CCBE1: variants seen among roughly 807,000 people sequenced by gnomAD.
CCBE1 encodes the protein collagen and calcium-binding EGF domain-containing protein 1.
Under a neutral mutation model 50.0 loss-of-function variants are expected in CCBE1, and 37 were observed. The ratio of observed to expected loss-of-function variants is 0.74; its 90% confidence interval spans 0.57 to 0.97. CCBE1 has a LOEUF of 0.97. Among genes scored for constraint, CCBE1 ranks in the 50% least tolerant of loss-of-function variants. CCBE1 has a pLI of 0.00. For missense variants in CCBE1, 538 were observed against 523.8 expected (o/e 1.03, Z -0.26); for synonymous variants, 234 against 203.7 (o/e 1.15, Z -1.27).
chr18:59,470,815 G>T (rs890339103), intron 3 of CCBE1, among the ~76,000 whole-genome samples: 2 of 152,144 alleles, frequency 1.3e-5, no homozygotes, highest in Non-Finnish European at 2.9e-5. Flanking sequence ...GTCTGGCTTT[G>T]CTCCACCACA....
intron 2 of CCBE1, among the ~76,000 whole-genome samples, chr18:59,662,712 G>A (rs1041320342): frequency 6.6e-6 from 1 of 152,244 alleles, no homozygotes; most frequent in African/African-American, 2.4e-5. Context: ...AGTTAGCCAG[G>A]TGGAGAGGAG....
At chr18:59,663,070 C>T (rs1448640058) in intron 2 of CCBE1, among the ~76,000 whole-genome samples, 1 of 151,976 alleles carries the variant, frequency 6.6e-6, no homozygotes, top group Non-Finnish European at 1.5e-5. Flanking sequence ...CAAAGATTTA[C>T]TGAATATTTC....
intron 3 of CCBE1, 151 bp downstream of exon 3, chr18:59,480,035 C>T (rs1912492444): frequency 1.7e-6 from 1 of 605,090 alleles, no homozygotes; most frequent in Non-Finnish European, 2.9e-6. Flanking sequence ...AAATTGGCGT[C>T]AGAAAAATTT....
chr18:59,439,737 C>A lies in CCBE1; in HGVS notation c.855G>T (p.Met285Ile). 1 of 1,614,236 alleles carries A rather than the reference C, an allele frequency of 6.2e-7. No homozygotes were observed. Among genetic ancestry groups the A allele is most frequent in the Non-Finnish European group, 8.5e-7 (1 of 1,180,026 alleles). The change falls in exon 8 of 11, where the codon ATG (methionine) becomes ATT (isoleucine). Residue 285 changes from methionine (M) to isoleucine (I), a missense_variant. Met to Ile is a conservative substitution (Grantham distance 10). Transcript: ENST00000439986. Reference sequence around the variant, plus strand: ...GATCAGGAGATGGTCCCATGGGTCCCATTGAGCCCCGTGGGCCGGGCTGCC... The same window carrying A: ...GATCAGGAGATGGTCCCATGGGTCCAATTGAGCCCCGTGGGCCGGGCTGCC... ...PPGQPGPRGS[M>I]GPMGPSPDLS...
rs1346411682 is a variant in CCBE1 at position 59,658,389 on chromosome 18, A to G, written c.212+38240T>C. Among the ~76,000 whole-genome samples the G allele has an allele frequency of 2.3e-4, 10 of 43,422 alleles. 2 individuals are homozygous for G. The highest frequency in any genetic ancestry group is 8.9e-4 in the African/African-American group (10 of 11,298). 28.5% of individuals were successfully genotyped at this position (43,422 alleles called of 152,430 possible). ...TATATATATATATATATATATATATATATATATATATATATATATATATAT... is the reference window on the plus strand; with the variant it reads ...TATATATATATATATATATATATATGTATATATATATATATATATATATAT... On this transcript the variant is annotated intron_variant, in intron 2 of 10. Transcript: ENST00000439986.
chr18:59,477,836 T>C (rs1463522401), intron 3 of CCBE1, among the ~76,000 whole-genome samples: 1 of 152,042 alleles, frequency 6.6e-6, no homozygotes, highest in Non-Finnish European at 1.5e-5. Context: ...GGAGATTAGG[T>C]ATGGTTTAAG....
At chr18:59,530,088 T>C (rs1325848895) in intron 2 of CCBE1, among the ~76,000 whole-genome samples, 1 of 152,162 alleles carries the variant, frequency 6.6e-6, no homozygotes, top group African/African-American at 2.4e-5. Context: ...CTGTTCTAGT[T>C]TGAGAATCAC....
At position 59,434,828 on chromosome 18, in the gene CCBE1, C is replaced by T. The variant is rs1240881541; in HGVS notation, c.*1080G>A. ...GGTGGCAAGCTTGGTTGGCTCCAGA[C>T]AAAAACTTGTAATACCCAAGGAGAA... On this transcript the variant is annotated 3_prime_UTR_variant, in exon 11 of 11. Transcript: ENST00000439986. 3 of 152,094 alleles carry T rather than the reference C, an allele frequency of 2.0e-5. No homozygotes were observed. Among genetic ancestry groups the T allele is most frequent in the South Asian group, 2.1e-4 (1 of 4,826 alleles). The allele number at this position is 152,094 out of a possible 1,614,324, so 9.4% of individuals were successfully genotyped here. A position where few individuals can be genotyped will look rare whatever the true frequency, so the allele number is the denominator to read the frequency against.
chr18:59,510,159 T>C (rs988735654), intron 2 of CCBE1, among the ~76,000 whole-genome samples: 1 of 152,170 alleles, frequency 6.6e-6, no homozygotes, highest in Non-Finnish European at 1.5e-5. Context: ...CAAATCTATC[T>C]GGGTATCTAT....
chr18:59,476,558 T>C (rs1912316150), intron 3 of CCBE1, among the ~76,000 whole-genome samples: 1 of 152,236 alleles, frequency 6.6e-6, no homozygotes, highest in Admixed American at 6.5e-5. Flanking sequence ...AAGTCACACA[T>C]AATACTGAAA....
chr18:59,544,196 A>C (rs1439934180), intron 2 of CCBE1, among the ~76,000 whole-genome samples: 6 of 152,220 alleles, frequency 3.9e-5, no homozygotes, highest in Non-Finnish European at 8.8e-5. Context: ...TATCAGCCAC[A>C]TAGTAGGTGA....
intron 7 of CCBE1, among the ~76,000 whole-genome samples, chr18:59,443,462 T>C (rs1910531148): frequency 6.9e-6 from 1 of 144,626 alleles, no homozygotes; most frequent in Non-Finnish European, 1.5e-5. Flanking sequence ...TCCACAAAAT[T>C]TGCCAACTTT....
chr18:59,505,170 A>AG (rs1285312936), intron 2 of CCBE1, among the ~76,000 whole-genome samples: 1 of 152,198 alleles, frequency 6.6e-6, no homozygotes, highest in East Asian at 1.9e-4. Flanking sequence ...GGGTGGAGGG[A>AG]GGAGTGGAAA....
rs1192136628 is a variant in CCBE1 at position 59,654,800 on chromosome 18, A to AAG, written c.212+41828_212+41829insCT. Reference sequence around the variant, plus strand: ...AGTGAGACTCCGTCTCCAAAAAAAAAAAAAAAAAGGCCAGGCCAGAAAAGG... The same window carrying AAG: ...AGTGAGACTCCGTCTCCAAAAAAAAAAGAAAAAAAAGGCCAGGCCAGAAAAGG... On this transcript the variant is annotated intron_variant, in intron 2 of 10. Coordinates refer to ENST00000439986, the MANE Select transcript of CCBE1 (RefSeq NM_133459.4). 1.4e-4 allele frequency among the ~76,000 whole-genome samples: 21 copies of AAG among 151,432 alleles called. No individual in the cohort carries two copies. The South Asian group carries it at 4.0e-3, about 29-fold the overall frequency.
At chr18:59,523,996 C>A (rs754481982) in intron 2 of CCBE1, among the ~76,000 whole-genome samples, 1 of 152,140 alleles carries the variant, frequency 6.6e-6, no homozygotes, top group Non-Finnish European at 1.5e-5. Context: ...GCTCCTTTAC[C>A]GAAACAAGCC....
At chr18:59,666,620 G>C (rs966199554) in intron 2 of CCBE1, among the ~76,000 whole-genome samples, 4 of 151,388 alleles carry the variant, frequency 2.6e-5, no homozygotes, top group African/African-American at 9.7e-5. Flanking sequence ...TTTTTGAGGT[G>C]GGGGGGTGGG....
intron 2 of CCBE1, among the ~76,000 whole-genome samples, chr18:59,623,858 C>G (rs1265899496): frequency 3.9e-5 from 6 of 152,102 alleles, no homozygotes; most frequent in African/African-American, 9.7e-5. Context: ...AAAACACAAG[C>G]TGAAAATAGA....
At chr18:59,555,176 C>T (rs1245704879) in intron 2 of CCBE1, among the ~76,000 whole-genome samples, 2 of 152,150 alleles carry the variant, frequency 1.3e-5, no homozygotes, top group African/African-American at 2.4e-5. Flanking sequence ...GAATTTGGAA[C>T]ACTTTTTTCT....
intron 2 of CCBE1, among the ~76,000 whole-genome samples, chr18:59,529,071 A>G (rs780958061): frequency 3.9e-5 from 6 of 152,190 alleles, no homozygotes; most frequent in Non-Finnish European, 8.8e-5. Context: ...AGGGGAAGAG[A>G]CTAAGTCTGC....
Sources: allele counts gnomAD v4.1 joint callset (sites outside exome capture counted in the v4.1 genomes callset), GRCh38; gene constraint gnomAD v4.1.1; transcripts MANE v1.5; gene names NCBI Gene and HGNC (gene_info 2026-07-23, HGNC 2026-07-21).